The following MGMT variants were observed in gnomAD, a reference collection of about 807,000 sequenced individuals.
The protein encoded by MGMT is O-6-methylguanine-DNA methyltransferase.
Under a neutral mutation model 15.9 loss-of-function variants are expected in MGMT, and 14 were observed. The observed-to-expected ratio is 0.88, with a 90% CI of 0.58 to 1.37. MGMT has a LOEUF of 1.37. Among genes scored for constraint, MGMT ranks in the 40% most tolerant of loss-of-function variants. The pLI, the probability that MGMT is intolerant of heterozygous loss-of-function variation, is 0.00. For synonymous variants in MGMT, 130 were observed against 118.2 expected (o/e 1.10, Z -0.65); for missense variants, 282 against 268.1 (o/e 1.05, Z -0.36).
At chr10:129,539,407 G>A (rs1364403429) in intron 2 of MGMT, among the ~76,000 whole-genome samples, 1 of 152,170 alleles carries the variant, frequency 6.6e-6, no homozygotes, top group East Asian at 1.9e-4. Context: ...GGGTGTGTGA[G>A]CCTGTTCCTG....
At chr10:129,589,826 G>A (rs1005611877) in intron 2 of MGMT, among the ~76,000 whole-genome samples, 1 of 152,218 alleles carries the variant, frequency 6.6e-6, no homozygotes, top group Non-Finnish European at 1.5e-5. Flanking sequence ...CTCCAGCTGG[G>A]AGCCGCGTGA....
chr10:129,558,198 A>G (rs148342225), intron 2 of MGMT, among the ~76,000 whole-genome samples: 10 of 152,306 alleles, frequency 6.6e-5, no homozygotes, highest in African/African-American at 2.4e-4. Flanking sequence ...TCTATTGTTG[A>G]TAAATGGCCA....
At chr10:129,512,882 A>G (rs1845699439) in intron 1 of MGMT, among the ~76,000 whole-genome samples, 3 of 151,202 alleles carry the variant, frequency 2.0e-5, no homozygotes, top group Admixed American at 1.3e-4. Context: ...CATGTGGCCC[A>G]GCAATTCTAC....
chr10:129,759,086 A>C, intron 3 of MGMT, 116 bp from the exon 4 acceptor site: 1 of 1,296,160 alleles, frequency 7.7e-7, no homozygotes, highest in East Asian at 2.3e-5. Flanking sequence ...GTTTTAATTG[A>C]GTATAATACC....
chr10:129,734,739 A>G (rs975806765), intron 3 of MGMT, among the ~76,000 whole-genome samples: 15 of 152,156 alleles, frequency 9.9e-5, no homozygotes, highest in African/African-American at 2.9e-4. Context: ...CGTCCCATCA[A>G]TACCTAATTT....
At chr10:129,697,366 G>A (rs1415212553) in intron 2 of MGMT, among the ~76,000 whole-genome samples, 1 of 152,222 alleles carries the variant, frequency 6.6e-6, no homozygotes, top group East Asian at 1.9e-4. Flanking sequence ...AAAGAGGAGA[G>A]CTGGAGTGCT....
At chr10:129,740,623 G>A (rs1467474684) in intron 3 of MGMT, among the ~76,000 whole-genome samples, 7 of 152,180 alleles carry the variant, frequency 4.6e-5, no homozygotes, top group Admixed American at 6.5e-5. Flanking sequence ...ACAGGACAGC[G>A]TTCTAGGAAG....
intron 2 of MGMT, among the ~76,000 whole-genome samples, chr10:129,596,154 T>G (rs995005159): frequency 2.6e-5 from 4 of 151,378 alleles, no homozygotes; most frequent in African/African-American, 9.7e-5. Flanking sequence ...ATTTTGACAT[T>G]ATGTGAGTTT....
intron 2 of MGMT, among the ~76,000 whole-genome samples, chr10:129,641,761 C>T (rs1056238248): frequency 6.6e-6 from 1 of 152,142 alleles, no homozygotes; most frequent in African/African-American, 2.4e-5. Flanking sequence ...GTCATACGTA[C>T]TCAGAATTAA....
At chr10:129,522,745 T>A (rs1845827037) in intron 1 of MGMT, among the ~76,000 whole-genome samples, 1 of 152,188 alleles carries the variant, frequency 6.6e-6, no homozygotes, top group Non-Finnish European at 1.5e-5. Context: ...TAATCCCATG[T>A]CGATGTCTGG....
chr10:129,587,629 C>T (rs977716653), intron 2 of MGMT, among the ~76,000 whole-genome samples: 1 of 151,558 alleles, frequency 6.6e-6, no homozygotes, highest in African/African-American at 2.4e-5. Flanking sequence ...GCTGAGACTA[C>T]AGGCACAACC....
At chr10:129,608,105 G>A (rs898885837) in intron 2 of MGMT, among the ~76,000 whole-genome samples, 4 of 152,204 alleles carry the variant, frequency 2.6e-5, no homozygotes, top group African/African-American at 9.7e-5. Context: ...CATCCAAAAC[G>A]ACTTGGAGCC....
At chr10:129,625,342 A>G (rs1847134329) in intron 2 of MGMT, among the ~76,000 whole-genome samples, 2 of 152,248 alleles carry the variant, frequency 1.3e-5, no homozygotes, top group Admixed American at 1.3e-4. Flanking sequence ...CAGAAGAGAG[A>G]ATAATTCCTA....
chr10:129,581,881 TC>T (rs1846559820), intron 2 of MGMT, among the ~76,000 whole-genome samples: 1 of 152,212 alleles, frequency 6.6e-6, no homozygotes, highest in African/African-American at 2.4e-5. Context: ...TTCAACAGTT[TC>T]TATCCTTAAT....
At chr10:129,739,579 A>T (rs1848606747) in intron 3 of MGMT, among the ~76,000 whole-genome samples, 1 of 152,152 alleles carries the variant, frequency 6.6e-6, no homozygotes, top group Non-Finnish European at 1.5e-5. Context: ...AATCAGAACC[A>T]GGTCAGAGCC....
chr10:129,552,271 C>T (rs1222612153), intron 2 of MGMT, among the ~76,000 whole-genome samples: 1 of 152,210 alleles, frequency 6.6e-6, no homozygotes, highest in Non-Finnish European at 1.5e-5. Flanking sequence ...GACTGTGGCG[C>T]TCCAGCTGCT....
intron 2 of MGMT, among the ~76,000 whole-genome samples, chr10:129,540,337 G>C (rs1846029802): frequency 6.6e-6 from 1 of 152,132 alleles, no homozygotes; most frequent in Non-Finnish European, 1.5e-5. Context: ...AAAGACAATA[G>C]GCTTCTTCCT....
chr10:129,606,099 C>G (rs941020943), intron 2 of MGMT, among the ~76,000 whole-genome samples: 1 of 152,156 alleles, frequency 6.6e-6, no homozygotes. Flanking sequence ...CATAACAACT[C>G]AAGAGGCTTG....
At chr10:129,762,682 T>C (rs1040205039) in intron 4 of MGMT, among the ~76,000 whole-genome samples, 2 of 151,762 alleles carry the variant, frequency 1.3e-5, no homozygotes, top group Non-Finnish European at 2.9e-5. Flanking sequence ...GCACAGAGAG[T>C]CTCCCCACCT....
Sources: allele counts gnomAD v4.1 joint callset (sites outside exome capture counted in the v4.1 genomes callset), GRCh38; gene constraint gnomAD v4.1.1; transcripts MANE v1.5; gene names NCBI Gene and HGNC (gene_info 2026-07-23, HGNC 2026-07-21).